Variants in CADPS observed in about 807,000 individuals in gnomAD.
The protein encoded by CADPS is calcium-dependent secretion activator 1.
In CADPS, 57 loss-of-function variants were observed where a neutral mutation model predicts 167.3. The ratio of observed to expected loss-of-function variants is 0.34; its 90% CI spans 0.28 to 0.42. The LOEUF (loss-of-function observed/expected upper bound fraction) is 0.42. CADPS is among the 20% of genes least tolerant of loss of function. The pLI, the probability that CADPS is intolerant of heterozygous loss-of-function variation, is 1.00. For missense variants in CADPS, 1,414 were observed against 1,738.1 expected, an observed-to-expected ratio of 0.81 and a Z score of 3.32; for synonymous variants, 676 against 635.3, an observed-to-expected ratio of 1.06 and a Z score of -0.96.
At chr3:62,654,256 G>C (rs2070970155) in intron 4 of CADPS, among the ~76,000 whole-genome samples, 1 of 152,190 alleles carries the variant, frequency 6.6e-6, no homozygotes, top group Non-Finnish European at 1.5e-5. Flanking sequence ...GGATCATGTT[G>C]AGAGGATGTA....
At chr3:62,701,274 CATCATT>C (rs2081337036) in intron 3 of CADPS, among the ~76,000 whole-genome samples, 1 of 152,042 alleles carries the variant, frequency 6.6e-6, no homozygotes, top group Non-Finnish European at 1.5e-5. Context: ...TTTGGGGAAC[CATCATT>C]ACTGCTGATG....
Position 62,602,813 on chromosome 3 carries a change from C to A in CADPS, c.1326-10065G>T, listed in dbSNP as rs1308852428. On this transcript the variant is annotated intron_variant, in intron 6 of 29. Coordinates refer to ENST00000383710, the MANE Select transcript of CADPS (RefSeq NM_003716.4). This position sits in a 1 kb window ranked among gnomAD's most constrained non-coding sequence, Gnocchi z 4.4. ...TCCAAACCTCAGCTTGATCTCTTCT[C>A]CCTCACATCTGTTCCTCTAAGGCTT... Among the ~76,000 whole-genome samples, 2 of 152,110 alleles carry A rather than the reference C, an allele frequency of 1.3e-5. No homozygotes were observed. The highest frequency in any genetic ancestry group is 4.8e-5 in the African/African-American group (2 of 41,400).
chr3:62,451,279 G>A (rs562255120), intron 26 of CADPS, among the ~76,000 whole-genome samples: 1 of 152,206 alleles, frequency 6.6e-6, no homozygotes, highest in African/African-American at 2.4e-5. Context: ...CCATTCTGGG[G>A]TTTTCACAAT....
At chr3:62,850,473 G>C in intron 1 of CADPS, among the ~76,000 whole-genome samples, 1 of 120,248 alleles carries the variant, frequency 8.3e-6, no homozygotes, top group Non-Finnish European at 1.8e-5. Context: ...GGTATGTTGT[G>C]TCTTTGTTCT....
At chr3:62,414,398 CAATT>C (rs1020663115) in intron 28 of CADPS, among the ~76,000 whole-genome samples, 1 of 152,174 alleles carries the variant, frequency 6.6e-6, no homozygotes, top group Non-Finnish European at 1.5e-5. Context: ...TTTTAGGAAA[CAATT>C]AAGTAGAATT....
At chr3:62,606,334 T>C (rs1443353972) in intron 6 of CADPS, among the ~76,000 whole-genome samples, 1 of 152,200 alleles carries the variant, frequency 6.6e-6, no homozygotes, top group Non-Finnish European at 1.5e-5. Flanking sequence ...ATCAATAGAT[T>C]AATCTATTTA....
At chr3:62,640,976 T>C (rs2067294490) in intron 6 of CADPS, among the ~76,000 whole-genome samples, 1 of 152,152 alleles carries the variant, frequency 6.6e-6, no homozygotes, top group Admixed American at 6.6e-5. Context: ...CCTACCATCT[T>C]CCCAATCTCT....
chr3:62,867,772 T>C (rs1271111559), intron 1 of CADPS, among the ~76,000 whole-genome samples: 1 of 151,692 alleles, frequency 6.6e-6, no homozygotes, highest in African/African-American at 2.4e-5. Context: ...CTGACACTTG[T>C]ATTGCACTTA....
chr3:62,874,085 G>A lies in CADPS; in HGVS notation c.441+504C>T, dbSNP rs1369573208. Among the ~76,000 whole-genome samples the A allele has an allele frequency of 6.6e-6, 1 of 152,162 alleles. No homozygotes were observed. Among genetic ancestry groups the A allele is most frequent in the African/African-American group, 2.4e-5 (1 of 41,454 alleles). On this transcript the variant is annotated intron_variant, in intron 1 of 29. Transcript: ENST00000383710. The surrounding 1 kb of genome is among the most constrained non-coding windows in gnomAD (Gnocchi z 7.1). ...CTGCGGTTGCTCTCTGCCCCAGCGA[G>A]CGGAGCGCTGCTCCAAGACGCTCTT...
chr3:62,466,846 A>G (rs946015751), intron 24 of CADPS, among the ~76,000 whole-genome samples: 9 of 152,164 alleles, frequency 5.9e-5, no homozygotes, highest in African/African-American at 2.2e-4. Context: ...TTTGATGAAG[A>G]CACTGTGACT....
Position 62,874,985 on chromosome 3 carries a change from C to T in CADPS, c.45G>A (p.Val15=). 6.3e-7 allele frequency: 1 copy of T among 1,596,458 alleles called. No individual in the cohort carries two copies. Among genetic ancestry groups the T allele is most frequent in the Non-Finnish European group, 8.5e-7 (1 of 1,171,936 alleles). ...GCACCTCCTTGCCGCTCTCCTCCTC[C>T]ACGATCTCATCCGATTCTTCTTCGC... ...SSSEEESDEI[V]EEESGKEVLG... Residue 15 remains valine (V), a synonymous_variant, in exon 1 of 30, where the codon GTG becomes GTA. Coordinates refer to ENST00000383710, the MANE Select transcript of CADPS (RefSeq NM_003716.4). This position sits in a 1 kb window ranked among gnomAD's most constrained non-coding sequence, Gnocchi z 7.1.
Position 62,478,247 on chromosome 3 carries a change from C to T in CADPS, c.3329+14G>A. The T allele has an allele frequency of 6.2e-7, 1 of 1,613,252 alleles. No individual in the cohort carries two copies. Among genetic ancestry groups the T allele is most frequent in the Non-Finnish European group, 8.5e-7 (1 of 1,179,650 alleles). ...GGGAGGGTGTGCAGAACCTGTCCAG[C>T]CACCTATACTTACCTTTTGACACAA... On this transcript the variant is annotated intron_variant, in intron 23 of 29. Transcript: ENST00000383710. This position sits in a 1 kb window ranked among gnomAD's most constrained non-coding sequence, Gnocchi z 5.7.
chr3:62,678,093 ACT>A (rs1372006088), intron 3 of CADPS, among the ~76,000 whole-genome samples: 3 of 151,774 alleles, frequency 2.0e-5, no homozygotes, highest in Non-Finnish European at 2.9e-5. Context: ...ATCTTCTAAC[ACT>A]CTGTCACAAG....
intron 1 of CADPS, among the ~76,000 whole-genome samples, chr3:62,777,457 G>A (rs1001973704): frequency 6.6e-6 from 1 of 152,102 alleles, no homozygotes; most frequent in Non-Finnish European, 1.5e-5. Context: ...GAATAGCAGA[G>A]AGAAAAAACA....
chr3:62,580,561 T>G (rs1051263343), intron 8 of CADPS, among the ~76,000 whole-genome samples: 3 of 148,146 alleles, frequency 2.0e-5, no homozygotes, highest in Non-Finnish European at 4.4e-5. Context: ...ATTGTGCACA[T>G]GTACCATAAA....
chr3:62,864,623 T>C (rs2081362625), intron 1 of CADPS, among the ~76,000 whole-genome samples: 3 of 152,156 alleles, frequency 2.0e-5, no homozygotes. Flanking sequence ...TGTGTGCATA[T>C]CTCTGGGTCC....
chr3:62,812,628 ATAGT>A (rs1435783924), intron 1 of CADPS, among the ~76,000 whole-genome samples: 1 of 152,198 alleles, frequency 6.6e-6, no homozygotes, highest in African/African-American at 2.4e-5. Flanking sequence ...TGCTGTCTAG[ATAGT>A]TCTACAGGCA....
chr3:62,502,624 G>A (rs959526623), intron 17 of CADPS, among the ~76,000 whole-genome samples: 2 of 152,066 alleles, frequency 1.3e-5, no homozygotes, highest in African/African-American at 4.8e-5. Flanking sequence ...AATTATACTT[G>A]AGAGCCCGAG....
intron 1 of CADPS, among the ~76,000 whole-genome samples, chr3:62,853,877 G>T (rs755868460): frequency 2.0e-4 from 31 of 152,124 alleles, no homozygotes; most frequent in Non-Finnish European, 4.0e-4. Context: ...GATCGCTTCA[G>T]CCTGGGAGGT....
Sources: gnomAD v4.1 joint callset for allele counts (sites outside exome capture counted in the v4.1 genomes callset) on GRCh38, gnomAD v4.1.1 for gene constraint, Gnocchi (gnomAD v3.1) non-coding constraint, MANE v1.5 for transcripts, NCBI Gene and HGNC (gene_info 2026-07-23, HGNC 2026-07-21) for gene names.